The following RIC3 variants were observed in gnomAD, a reference collection of about 807,000 sequenced individuals.
The protein encoded by RIC3 is protein RIC-3.
RIC3 carries 28 observed loss-of-function variants against 27.3 expected under a neutral mutation model. The observed-to-expected ratio is 1.02, with a 90% CI of 0.76 to 1.41. RIC3 has a LOEUF of 1.41. Ranked by LOEUF, RIC3 falls within the 40% of genes most tolerant of loss-of-function variation. RIC3 has a pLI of 0.00. For missense variants in RIC3, 501 were observed against 444.7 expected (o/e 1.13, Z -1.14); for synonymous variants, 184 against 160.4 (o/e 1.15, Z -1.11).
the RIC3 span, chr11:8,095,576 C>A: frequency 6.2e-7 from 1 of 1,613,202 alleles, no homozygotes. Flanking sequence ...GTGGGCCAGT[C>A]AGACCACGCC....
downstream of RIC3, chr11:8,101,398 C>T: frequency 1.3e-6 from 2 of 1,520,404 alleles, no homozygotes; most frequent in Non-Finnish European, 1.8e-6. Context: ...GTTCTTCCCT[C>T]ATGTGGTTTG....
chr11:8,130,463 G>A (rs1478994582), intron 4 of RIC3, among the ~76,000 whole-genome samples: 1 of 152,122 alleles, frequency 6.6e-6, no homozygotes, highest in East Asian at 1.9e-4. Flanking sequence ...GATATTATGA[G>A]CTACCCCACA....
At chr11:8,155,083 T>C (rs1006763562) in intron 1 of RIC3, among the ~76,000 whole-genome samples, 2 of 151,966 alleles carry the variant, frequency 1.3e-5, no homozygotes, top group African/African-American at 2.4e-5. Flanking sequence ...CAGCCGGGTG[T>C]GGTGGCATGC....
downstream of RIC3, chr11:8,101,363 C>G (rs966308282): frequency 2.3e-6 from 3 of 1,285,106 alleles, no homozygotes; most frequent in South Asian, 4.1e-5. Flanking sequence ...CTTTGTGATT[C>G]CCCTGGCATC....
the RIC3 span, chr11:8,095,506 G>A: frequency 1.1e-4 from 180 of 1,608,706 alleles, no homozygotes; most frequent in Non-Finnish European, 1.4e-4. Context: ...AGGCACCAGC[G>A]GGCCAGCAGC....
chr11:8,094,949 C>G, the RIC3 span, among the ~76,000 whole-genome samples: 2 of 152,212 alleles, frequency 1.3e-5, no homozygotes, highest in Non-Finnish European at 2.9e-5. Flanking sequence ...TGCTGAAGCT[C>G]TGTGGTAACG....
At chr11:8,158,279 C>G (rs890328922) in intron 1 of RIC3, among the ~76,000 whole-genome samples, 1 of 152,122 alleles carries the variant, frequency 6.6e-6, no homozygotes, top group African/African-American at 2.4e-5. Context: ...AGGGTCTGTG[C>G]TATTCCACAG....
chr11:8,117,148 A>T (rs1945936948), intron 5 of RIC3, among the ~76,000 whole-genome samples: 1 of 152,192 alleles, frequency 6.6e-6, no homozygotes, highest in Non-Finnish European at 1.5e-5. Context: ...AGCTCACTGC[A>T]GTCTCCACCT....
chr11:8,098,212 G>A, the RIC3 span, among the ~76,000 whole-genome samples: 1 of 152,144 alleles, frequency 6.6e-6, no homozygotes, highest in Non-Finnish European at 1.5e-5. Flanking sequence ...GGGGGTGGGG[G>A]GCAGTGGTGA....
At chr11:8,121,243 AG>A (rs1946416048) in intron 5 of RIC3, among the ~76,000 whole-genome samples, 1 of 152,196 alleles carries the variant, frequency 6.6e-6, no homozygotes, top group Non-Finnish European at 1.5e-5. Context: ...AGGTAGGTAG[AG>A]GGGGAACAAC....
At chr11:8,117,992 G>C (rs1946039806) in intron 5 of RIC3, among the ~76,000 whole-genome samples, 1 of 151,934 alleles carries the variant, frequency 6.6e-6, no homozygotes, top group Non-Finnish European at 1.5e-5. Context: ...GGAGGCCGAG[G>C]CGGGCAGATC....
intron 5 of RIC3, among the ~76,000 whole-genome samples, chr11:8,118,712 A>G (rs1421149876): frequency 3.3e-5 from 5 of 151,534 alleles, no homozygotes; most frequent in Non-Finnish European, 7.4e-5. Flanking sequence ...TACTAAAAAT[A>G]CAAAAAAAAT....
rs1441452588 is a variant in RIC3 at position 8,163,059 on chromosome 11, ACACACACACC to A, written c.124+5797_124+5806del. 6.4e-4 allele frequency among the ~76,000 whole-genome samples: 97 copies of A among 151,338 alleles called. 1 individual carries two copies. The highest frequency in any genetic ancestry group is 3.0e-3 in the Admixed American group (45 of 15,152). ...CACACACACACACACACATACACACACACACACACCCCCCAAAACACTTTAAGAACTGCCT... is the reference window on the plus strand; with the variant it reads ...CACACACACACACACACATACACACACCCCAAAACACTTTAAGAACTGCCT... On this transcript the variant is annotated intron_variant, in intron 1 of 5. Transcript: ENST00000309737.
chr11:8,093,656 C>G, the RIC3 span, among the ~76,000 whole-genome samples: 1 of 152,176 alleles, frequency 6.6e-6, no homozygotes, highest in African/African-American at 2.4e-5. Context: ...TGGTCTCTTC[C>G]AGAAGATGCA....
downstream of RIC3, chr11:8,102,491 C>A (rs1482779873): frequency 1.3e-5 from 2 of 152,280 alleles, no homozygotes; most frequent in African/African-American, 4.8e-5. Flanking sequence ...CCCCAGGAAA[C>A]ACAAATGGGG....
At chr11:8,100,343 A>G in the RIC3 span, among the ~76,000 whole-genome samples, 1 of 152,162 alleles carries the variant, frequency 6.6e-6, no homozygotes, top group Non-Finnish European at 1.5e-5. Flanking sequence ...GTAGAGACCC[A>G]GGGGCTCAGT....
intron 1 of RIC3, among the ~76,000 whole-genome samples, chr11:8,143,794 G>A (rs1368032822): frequency 1.3e-5 from 2 of 152,158 alleles, no homozygotes; most frequent in Non-Finnish European, 2.9e-5. Context: ...CAAGGCTACA[G>A]TAACCAAAAC....
intron 1 of RIC3, among the ~76,000 whole-genome samples, chr11:8,141,470 G>A (rs1042416580): frequency 3.3e-5 from 5 of 151,996 alleles, no homozygotes; most frequent in Admixed American, 1.3e-4. Context: ...TTCAACAAGA[G>A]GAGCTAACTA....
intron 5 of RIC3, among the ~76,000 whole-genome samples, chr11:8,124,313 T>C (rs749984244): frequency 2.6e-5 from 4 of 151,914 alleles, no homozygotes; most frequent in African/African-American, 4.8e-5. Flanking sequence ...GAAAAGAAAA[T>C]CACAGACCAA....
Sources: allele counts gnomAD v4.1 joint callset (sites outside exome capture counted in the v4.1 genomes callset), GRCh38; gene constraint gnomAD v4.1.1; transcripts MANE v1.5; gene names NCBI Gene and HGNC (gene_info 2026-07-23, HGNC 2026-07-21).